The following TSHZ3 variants were observed in gnomAD, a reference collection of about 807,000 sequenced individuals.
TSHZ3 encodes teashirt zinc finger homeobox 3, also known as teashirt homolog 3.
A neutral mutation model predicts 64.5 loss-of-function variants in TSHZ3; 10 were observed. The observed-to-expected ratio is 0.16, with a 90% CI of 0.10 to 0.26. The LOEUF (loss-of-function observed/expected upper bound fraction) is 0.26. Ranked by LOEUF, TSHZ3 falls within the 10% of genes least tolerant of loss-of-function variation. TSHZ3 has a pLI of 1.00. For synonymous variants in TSHZ3, 608 were observed against 593.1 expected, an observed-to-expected ratio of 1.03 and a Z score of -0.36; for missense variants, 1,242 against 1,421.7, an observed-to-expected ratio of 0.87 and a Z score of 2.03.
At chr19:31,165,696 G>T (rs527526742) in intron 5 of TSHZ3, among the ~76,000 whole-genome samples, 5 of 152,240 alleles carry the variant, frequency 3.3e-5, no homozygotes, top group South Asian at 2.1e-4. Flanking sequence ...GTGGGTATTT[G>T]TGTGTGTCCC....
chr19:31,195,180 A>C (rs1374331351), intron 5 of TSHZ3, among the ~76,000 whole-genome samples: 1 of 149,240 alleles, frequency 6.7e-6, no homozygotes, highest in East Asian at 2.0e-4. Flanking sequence ...AATATTTAAA[A>C]CAATAATGCC....
Position 31,286,923 on chromosome 19 carries a change from G to A in TSHZ3, c.41-7171C>T, listed in dbSNP as rs542402136. 1.8e-4 allele frequency among the ~76,000 whole-genome samples: 28 copies of A among 152,292 alleles called. No homozygotes were observed. The South Asian group carries it at 4.6e-3, about 25-fold the overall frequency. ...ATCAAGGGTCTGGAGACACCAATTC[G>A]TTAATATTTATTGTCATCATTAACT... On this transcript the variant is annotated intron_variant, in intron 1 of 1. Coordinates refer to ENST00000240587, the MANE Select transcript of TSHZ3 (RefSeq NM_020856.4).
rs542788612 is a variant in TSHZ3 at position 31,309,964 on chromosome 19, T to C, written c.41-30212A>G. ...TGGTGTCCCTGGCACCTGCCAGCAC[T>C]GGCTTGAGCAGGTGCTTAATAAACA... On this transcript the variant is annotated intron_variant, in intron 1 of 1. Coordinates refer to ENST00000240587, the MANE Select transcript of TSHZ3 (RefSeq NM_020856.4). 3.3e-5 allele frequency among the ~76,000 whole-genome samples: 5 copies of C among 152,316 alleles called. No homozygotes were observed. The South Asian group carries it at 8.3e-4, about 25-fold the overall frequency.
At chr19:31,169,938 A>G (rs548795818) in intron 5 of TSHZ3, among the ~76,000 whole-genome samples, 2 of 152,248 alleles carry the variant, frequency 1.3e-5, no homozygotes, top group South Asian at 4.1e-4. Flanking sequence ...AACCCATCTT[A>G]TGGGTTCTGG....
In TSHZ3 at chr19:31,265,225, C is replaced by T. The variant is rs180978821; in HGVS notation, n.64-22350G>A. Among the ~76,000 whole-genome samples the T allele has an allele frequency of 1.4e-3, 215 of 151,366 alleles. 2 individuals carry two copies. The highest frequency in any genetic ancestry group is 0.01 in the Middle Eastern group (3 of 292). Reference sequence around the variant, plus strand: ...CAGCCTGGCCAACATGGTGAAACCCCGTCTCTACTAAAAATATGAAAATTA... The same window carrying T: ...CAGCCTGGCCAACATGGTGAAACCCTGTCTCTACTAAAAATATGAAAATTA... On this transcript the variant is annotated intron_variant and non_coding_transcript_variant, in intron 1 of 6. Transcript: ENST00000651361.
At chr19:31,154,441 C>T (rs1483940745) in intron 6 of TSHZ3, among the ~76,000 whole-genome samples, 1 of 152,146 alleles carries the variant, frequency 6.6e-6, no homozygotes, top group Non-Finnish European at 1.5e-5. Flanking sequence ...TCCTTCATTC[C>T]TCAGTGGACA....
intron 5 of TSHZ3, among the ~76,000 whole-genome samples, chr19:31,201,131 TA>T (rs778547368): frequency 1.3e-5 from 2 of 152,200 alleles, no homozygotes; most frequent in Non-Finnish European, 2.9e-5. Flanking sequence ...AGTACAACGT[TA>T]AAAGTATCAT....
intron 1 of TSHZ3, among the ~76,000 whole-genome samples, chr19:31,244,273 G>T (rs1001435711): frequency 6.6e-6 from 1 of 151,966 alleles, no homozygotes; most frequent in Non-Finnish European, 1.5e-5. Context: ...CATTAGATCC[G>T]GTTGTTTAAA....
chr19:31,238,481 C>T (rs1975648610), intron 3 of TSHZ3, among the ~76,000 whole-genome samples: 1 of 152,142 alleles, frequency 6.6e-6, no homozygotes, highest in African/African-American at 2.4e-5. Context: ...GTCTTGAACT[C>T]CTGACCTCGA....
At chr19:31,175,551 G>A (rs1042192490) in intron 5 of TSHZ3, among the ~76,000 whole-genome samples, 2 of 152,198 alleles carry the variant, frequency 1.3e-5, no homozygotes, top group African/African-American at 2.4e-5. Context: ...CATGTGTTCA[G>A]GGTTAGATTG....
intron 4 of TSHZ3, among the ~76,000 whole-genome samples, chr19:31,217,621 G>C (rs1014105468): frequency 1.3e-5 from 2 of 152,098 alleles, no homozygotes; most frequent in African/African-American, 4.8e-5. Flanking sequence ...TGGTCCTTTT[G>C]TTACAACTGA....
chr19:31,279,750 A>C lies in TSHZ3; in HGVS notation c.43T>G (p.Tyr15Asp). ...GCAGCCTTTAACTCTTCGGAAACATAGGCTGCCATGATAACAGGTGGGAAA... is the reference window on the plus strand; with the variant it reads ...GCAGCCTTTAACTCTTCGGAAACATCGGCTGCCATGATAACAGGTGGGAAA... ...KQQAPRRAAA[Y>D]VSEELKAAAL... The change falls in exon 2 of 2, where the codon TAT (tyrosine) becomes GAT (aspartate). Residue 15 changes from tyrosine (Y) to aspartate (D), a missense_variant and splice_region_variant. Tyr to Asp is a radical substitution (Grantham distance 160). Around this residue, in one of 4 missense-constraint regions of TSHZ3, gnomAD observed 555 missense variants for 704.0 expected, o/e 0.79. Transcript: ENST00000240587. The surrounding 1 kb of genome is among the most constrained non-coding windows in gnomAD (Gnocchi z 6.4). 1 of 1,490,922 alleles carries C rather than the reference A, an allele frequency of 6.7e-7. No individual in the cohort carries two copies. Among genetic ancestry groups the C allele is most frequent in the Non-Finnish European group, 8.9e-7 (1 of 1,120,234 alleles). 92.4% of individuals were successfully genotyped at this position (1,490,922 alleles called of 1,614,324 possible).
At chr19:31,240,492 G>A (rs965760362) in intron 3 of TSHZ3, among the ~76,000 whole-genome samples, 2 of 152,066 alleles carry the variant, frequency 1.3e-5, no homozygotes, top group African/African-American at 4.8e-5. Context: ...CATTTAATCT[G>A]TTGTTATATC....
Position 31,277,491 on chromosome 19 carries a change from G to A in TSHZ3, c.2302C>T (p.Pro768Ser), listed in dbSNP as rs1169256714. 4.3e-6 allele frequency: 7 copies of A among 1,609,784 alleles called. No homozygotes were observed. Among genetic ancestry groups the A allele is most frequent in the Non-Finnish European group, 5.9e-6 (7 of 1,177,080 alleles). ...AEKAAVATPP[P>S]LQSKKADHLD... ...TGGTCTGCCTTCTTGGACTGCAGGGGCGGCGGGGTGGCCACAGCAGCCTTC... is the reference window on the plus strand; with the variant it reads ...TGGTCTGCCTTCTTGGACTGCAGGGACGGCGGGGTGGCCACAGCAGCCTTC... The change falls in exon 2 of 2, where the codon CCC becomes TCC. Residue 768 changes from proline (P) to serine (S), a missense_variant. This residue lies in a region of TSHZ3 where 550 missense variants were observed against 545.1 expected (regional missense o/e 1.01). Coordinates refer to ENST00000240587, the MANE Select transcript of TSHZ3 (RefSeq NM_020856.4). This position sits in a 1 kb window ranked among gnomAD's most constrained non-coding sequence, Gnocchi z 4.5.
chr19:31,253,375 A>G (rs1243671136), intron 1 of TSHZ3, among the ~76,000 whole-genome samples: 1 of 152,198 alleles, frequency 6.6e-6, no homozygotes, highest in Non-Finnish European at 1.5e-5. Context: ...TTAAGATTAA[A>G]AAAAGGAAAA....
chr19:31,292,729 CCCATCCATCCATCCATCCATCCAT>C (rs71173957), intron 1 of TSHZ3, among the ~76,000 whole-genome samples: 1 of 147,942 alleles, frequency 6.8e-6, no homozygotes, highest in African/African-American at 2.5e-5. Flanking sequence ...AACCCATCCA[CCCATCCATCCATCCATCCATCCAT>C]CCATCCATCC....
At chr19:31,166,721 C>T (rs192345869) in intron 5 of TSHZ3, among the ~76,000 whole-genome samples, 109 of 152,308 alleles carry the variant, frequency 7.2e-4, no homozygotes, top group African/African-American at 2.6e-3. Flanking sequence ...CACTCCTTTT[C>T]ACCCCTGCAA....
At chr19:31,249,119 T>G (rs1286967166) in intron 1 of TSHZ3, among the ~76,000 whole-genome samples, 1 of 151,162 alleles carries the variant, frequency 6.6e-6, no homozygotes, top group Non-Finnish European at 1.5e-5. Flanking sequence ...CCTGAGACGC[T>G]AAGAGTAAGC....
chr19:31,277,796 C>T lies in TSHZ3; in HGVS notation c.1997G>A (p.Ser666Asn). The T allele has an allele frequency of 6.5e-7, 1 of 1,540,734 alleles. No homozygotes were observed. Among genetic ancestry groups the T allele is most frequent in the Non-Finnish European group, 8.7e-7 (1 of 1,146,974 alleles). Residue 666 changes from serine to asparagine, a missense_variant, in exon 2 of 2, where the codon AGC becomes AAC. By Grantham distance (46) the Ser-to-Asn change is conservative. Transcript: ENST00000240587. The surrounding 1 kb of genome is among the most constrained non-coding windows in gnomAD (Gnocchi z 4.5). ...CGGGGGGCTGGGGCTGTTCTCCTGG[C>T]TGCGGAAGCCCCCATCGCTGGATGC... Reference protein sequence around the residue: ...MEASSDGGFRSQENSPSPPRD... With the variant: ...MEASSDGGFRNQENSPSPPRD...
Sources: allele counts gnomAD v4.1 joint callset (sites outside exome capture counted in the v4.1 genomes callset), GRCh38; gene constraint gnomAD v4.1.1; regional missense constraint gnomAD v4.1.1; non-coding constraint Gnocchi (gnomAD v3.1); transcripts MANE v1.5; gene names NCBI Gene and HGNC (gene_info 2026-07-23, HGNC 2026-07-21).